TMEM108: variants seen among roughly 807,000 people sequenced by gnomAD.
TMEM108 encodes cancer/testis antigen 124.
In TMEM108, 12 loss-of-function variants were observed where a neutral mutation model predicts 35.1. That is an observed-to-expected ratio of 0.34 (90% confidence interval 0.22 to 0.55). The LOEUF (loss-of-function observed/expected upper bound fraction) is 0.55, where lower values mean the gene tolerates loss of function less well. Among genes scored for constraint, TMEM108 ranks in the 20% least tolerant of loss-of-function variants. The probability of loss-of-function intolerance (pLI) is 0.89; values close to 1 mark genes in which losing one functional copy is unlikely to be tolerated. For missense variants in TMEM108, 680 were observed against 753.3 expected, an observed-to-expected ratio of 0.90 and a Z score of 1.14; for synonymous variants, 287 against 308.6, an observed-to-expected ratio of 0.93 and a Z score of 0.73.
intron 3 of TMEM108, among the ~76,000 whole-genome samples, chr3:133,377,124 T>C (rs1708385): frequency 3.9e-5 from 6 of 151,954 alleles, no homozygotes; most frequent in Non-Finnish European, 8.8e-5. Context: ...GGCCCACTCT[T>C]TTGGCCTCAT....
chr3:133,057,038 C>T (rs542658645), intron 2 of TMEM108, among the ~76,000 whole-genome samples: 1 of 152,086 alleles, frequency 6.6e-6, no homozygotes, highest in South Asian at 2.1e-4. Flanking sequence ...GTAGACTCTG[C>T]CCCATATTGA....
At chr3:133,242,271 G>C (rs921528449) in intron 3 of TMEM108, among the ~76,000 whole-genome samples, 3 of 152,192 alleles carry the variant, frequency 2.0e-5, no homozygotes, top group Admixed American at 2.0e-4. Context: ...CAACTACACT[G>C]TGATACTGCT....
At chr3:133,365,835 G>T (rs762218078) in intron 3 of TMEM108, among the ~76,000 whole-genome samples, 6 of 152,178 alleles carry the variant, frequency 3.9e-5, no homozygotes, top group Non-Finnish European at 7.3e-5. Context: ...TCATCTGTTT[G>T]TCATCTCCAA....
Position 133,377,536 on chromosome 3 carries a change from G to A in TMEM108, c.41-2216G>A, listed in dbSNP as rs184626365. ...TTGTTTCACATACTTCTGCTACTGT[G>A]TGACTTTCCACATGTTGCCTAATCT... On this transcript the variant is annotated intron_variant, in intron 3 of 5. Coordinates refer to ENST00000321871, the MANE Select transcript of TMEM108 (RefSeq NM_023943.4). Among the ~76,000 whole-genome samples, 8 of 152,338 alleles carry A rather than the reference G, an allele frequency of 5.3e-5. No individual in the cohort carries two copies. In the East Asian group the frequency reaches 1.5e-3, roughly 29 times the overall value.
chr3:133,267,822 T>G (rs1179540603), intron 3 of TMEM108, among the ~76,000 whole-genome samples: 1 of 152,246 alleles, frequency 6.6e-6, no homozygotes, highest in Non-Finnish European at 1.5e-5. Context: ...TCACATGTCC[T>G]TGTGACATGA....
intron 4 of TMEM108, among the ~76,000 whole-genome samples, chr3:133,381,863 C>A (rs943357000): frequency 6.6e-6 from 1 of 152,194 alleles, no homozygotes; most frequent in South Asian, 2.1e-4. Context: ...TCTCCACCCC[C>A]ACCCCACTTT....
At chr3:133,065,505 T>C (rs1156313174) in intron 2 of TMEM108, among the ~76,000 whole-genome samples, 1 of 152,066 alleles carries the variant, frequency 6.6e-6, no homozygotes, top group Non-Finnish European at 1.5e-5. Flanking sequence ...TTTTTTTTCA[T>C]GTTCCAGAAA....
intron 2 of TMEM108, among the ~76,000 whole-genome samples, chr3:133,112,940 A>T (rs1274104028): frequency 6.6e-6 from 1 of 152,220 alleles, no homozygotes; most frequent in Non-Finnish European, 1.5e-5. Context: ...TTGTCAATAA[A>T]CATTAAAACA....
At chr3:133,167,168 G>A (rs575627273) in intron 2 of TMEM108, among the ~76,000 whole-genome samples, 5 of 152,190 alleles carry the variant, frequency 3.3e-5, no homozygotes, top group South Asian at 2.1e-4. Flanking sequence ...TGATTGGTGC[G>A]TTTACAAACC....
At chr3:133,146,147 C>T (rs543451152) in intron 2 of TMEM108, among the ~76,000 whole-genome samples, 3 of 152,254 alleles carry the variant, frequency 2.0e-5, no homozygotes, top group African/African-American at 7.2e-5. Flanking sequence ...TCCATCAATA[C>T]CTAGTTTATT....
At chr3:133,264,108 C>T (rs1271821936) in intron 3 of TMEM108, among the ~76,000 whole-genome samples, 2 of 151,992 alleles carry the variant, frequency 1.3e-5, no homozygotes, top group African/African-American at 4.8e-5. Context: ...GAGTTCAAGA[C>T]CAGTCTGAGA....
At chr3:133,173,806 T>A (rs988481887) in intron 2 of TMEM108, among the ~76,000 whole-genome samples, 2 of 152,176 alleles carry the variant, frequency 1.3e-5, no homozygotes, top group Non-Finnish European at 2.9e-5. Context: ...CCAACTGAGG[T>A]ACCGGGTTCA....
At chr3:133,163,835 G>A (rs1049527622) in intron 2 of TMEM108, among the ~76,000 whole-genome samples, 1 of 152,134 alleles carries the variant, frequency 6.6e-6, no homozygotes, top group East Asian at 1.9e-4. Context: ...TCCTCCCTCT[G>A]CATTGAAATC....
In TMEM108 at chr3:133,182,901, G is replaced by A. The variant is rs181230217; in HGVS notation, c.-46-46365G>A. Among the ~76,000 whole-genome samples the A allele has an allele frequency of 8.4e-3, 1,279 of 152,270 alleles. 25 individuals carry two copies. The highest frequency in any genetic ancestry group is 0.029 in the African/African-American group (1,191 of 41,530). ...AGACATCTATATATAATAGCAACAG[G>A]TATTAGTTCTTAACTGAAGGTAGAG... On this transcript the variant is annotated intron_variant, in intron 2 of 5. Coordinates refer to ENST00000321871, the MANE Select transcript of TMEM108 (RefSeq NM_023943.4).
chr3:133,231,250 T>C (rs1162817729), intron 3 of TMEM108, among the ~76,000 whole-genome samples: 1 of 152,176 alleles, frequency 6.6e-6, no homozygotes, highest in Non-Finnish European at 1.5e-5. Context: ...ATATTTTTAA[T>C]TTGGATAAAA....
chr3:133,270,083 G>A (rs1283893894), intron 3 of TMEM108, among the ~76,000 whole-genome samples: 1 of 152,056 alleles, frequency 6.6e-6, no homozygotes, highest in Admixed American at 6.5e-5. Context: ...ATTTCTCAGA[G>A]GTTTGCCTTA....
Position 133,371,797 on chromosome 3 carries a change from C to T in TMEM108, c.41-7955C>T, listed in dbSNP as rs147678705. On this transcript the variant is annotated intron_variant, in intron 3 of 5. Coordinates refer to ENST00000321871, the MANE Select transcript of TMEM108 (RefSeq NM_023943.4). ...GCTAGTAAGTGATTTAGGAGGGTTT[C>T]TTATTCTTCAGCGAATATGTCTTGT... 3.3e-3 allele frequency among the ~76,000 whole-genome samples: 502 copies of T among 152,226 alleles called. 5 individuals are homozygous for T. The highest frequency in any genetic ancestry group is 0.012 in the African/African-American group (490 of 41,546).
chr3:133,106,152 G>A lies in TMEM108; in HGVS notation c.-47+60132G>A, dbSNP rs569133880. ...GTCAGAGCCTATAAGAGGAGGCTGG[G>A]ACTTCCAATTGAGAGGTTAAAGGTT... On this transcript the variant is annotated intron_variant, in intron 2 of 5. Coordinates refer to ENST00000321871, the MANE Select transcript of TMEM108 (RefSeq NM_023943.4). 1.6e-4 allele frequency among the ~76,000 whole-genome samples: 24 copies of A among 150,364 alleles called. No homozygotes were observed. In the East Asian group the frequency reaches 4.7e-3, roughly 30 times the overall value.
At position 133,397,425 on chromosome 3, in the gene TMEM108, C is replaced by G. The variant is rs1031054197; in HGVS notation, c.*1439C>G. ...AAAAGATGGCCTTCAAAAGTGTGTT[C>G]TCAATGTTGTATGAACCTCCTTCAC... On this transcript the variant is annotated 3_prime_UTR_variant, in exon 6 of 6. Coordinates refer to ENST00000321871, the MANE Select transcript of TMEM108 (RefSeq NM_023943.4). The G allele has an allele frequency of 2.0e-5, 3 of 149,952 alleles. No individual in the cohort carries two copies. The highest frequency in any genetic ancestry group is 7.3e-5 in the African/African-American group (3 of 40,840). 9.3% of individuals were successfully genotyped at this position (149,952 alleles called of 1,614,324 possible).
Sources: allele counts gnomAD v4.1 joint callset (sites outside exome capture counted in the v4.1 genomes callset), GRCh38; gene constraint gnomAD v4.1.1; transcripts MANE v1.5; gene names NCBI Gene and HGNC (gene_info 2026-07-23, HGNC 2026-07-21).